Variants in CACNA2D1 observed in about 807,000 individuals in gnomAD.
The protein encoded by CACNA2D1 is calcium voltage-gated channel auxiliary subunit alpha2delta 1.
CACNA2D1 carries 53 observed loss-of-function variants against 171.5 expected under a neutral mutation model. The ratio of observed to expected loss-of-function variants is 0.31; its 90% CI spans 0.25 to 0.39. The LOEUF (loss-of-function observed/expected upper bound fraction) is 0.39. CACNA2D1 is among the 10% of genes least tolerant of loss of function. The pLI, the probability that CACNA2D1 is intolerant of heterozygous loss-of-function variation, is 1.00. For synonymous variants in CACNA2D1, 442 were observed against 443.1 expected (o/e 1.00, Z 0.03); for missense variants, 903 against 1,299.8 (o/e 0.69, Z 4.69).
chr7:82,047,782 A>T (rs1163463724), intron 10 of CACNA2D1, among the ~76,000 whole-genome samples: 1 of 152,188 alleles, frequency 6.6e-6, no homozygotes, highest in Non-Finnish European at 1.5e-5. Flanking sequence ...AATAACAAAC[A>T]TATGTAAAAT....
intron 38 of CACNA2D1, among the ~76,000 whole-genome samples, chr7:81,951,342 CCTT>C (rs760515460): frequency 1.3e-5 from 2 of 151,916 alleles, no homozygotes; most frequent in African/African-American, 2.4e-5. Flanking sequence ...TTAAAAACCT[CCTT>C]ATTATTTTTA....
rs71093376 is a variant in CACNA2D1 at position 82,366,903 on chromosome 7, C to CTTTTTTTTTTTTTTTTTT, written c.96-17272_96-17255dup. 6.1e-3 allele frequency among the ~76,000 whole-genome samples: 531 copies of CTTTTTTTTTTTTTTTTTT among 86,962 alleles called. 53 individuals are homozygous for CTTTTTTTTTTTTTTTTTT. Among genetic ancestry groups the CTTTTTTTTTTTTTTTTTT allele is most frequent in the Non-Finnish European group, 9.2e-3 (397 of 43,364 alleles). The allele number at this position is 86,962 out of a possible 152,430, so 57.1% of individuals were successfully genotyped here. ...CCTGCCAGCATCCACTGGTTTTGAC[C>CTTTTTTTTTTTTTTTTTT]TTTTTTTTTTTTTTTTTTTTTTTGA... On this transcript the variant is annotated intron_variant, in intron 1 of 38. Transcript: ENST00000356860.
In CACNA2D1 at chr7:82,305,888, G is replaced by C. The variant is rs145215353; in HGVS notation, c.294+29247C>G. Among the ~76,000 whole-genome samples, 938 of 152,244 alleles carry C rather than the reference G, an allele frequency of 6.2e-3. 10 individuals carry two copies. The highest frequency in any genetic ancestry group is 0.021 in the African/African-American group (869 of 41,540). The stretch of plus-strand genomic sequence containing the variant: ...CTGCAGTCGAGGGAACTCAGAATCT[G>C]TCAGGCTGACAGAAAGGTAAAAATT... On this transcript the variant is annotated intron_variant, in intron 3 of 38. Transcript: ENST00000356860.
chr7:81,982,758 T>C (rs766877255), intron 23 of CACNA2D1, 131 bp from the exon 24 acceptor site: 39 of 738,290 alleles, frequency 5.3e-5, no homozygotes, highest in Non-Finnish European at 7.7e-5. Context: ...CATCCTAAAA[T>C]TGAAACATAT....
At chr7:82,335,940 T>C (rs1159066597) in intron 2 of CACNA2D1, among the ~76,000 whole-genome samples, 1 of 152,200 alleles carries the variant, frequency 6.6e-6, no homozygotes, top group Non-Finnish European at 1.5e-5. Context: ...ATGGAAGGAT[T>C]TCCCCAGAGT....
intron 18 of CACNA2D1, among the ~76,000 whole-genome samples, chr7:82,003,721 C>A (rs1244448149): frequency 6.6e-6 from 1 of 150,446 alleles, no homozygotes; most frequent in African/African-American, 2.4e-5. Flanking sequence ...AAGTAGAGAT[C>A]CTTCACACCC....
chr7:82,177,508 T>C (rs1326980298), intron 3 of CACNA2D1, among the ~76,000 whole-genome samples: 1 of 152,058 alleles, frequency 6.6e-6, no homozygotes, highest in Non-Finnish European at 1.5e-5. Flanking sequence ...CAATCAATGG[T>C]GTATGAGAAA....
chr7:82,060,319 T>C, intron 10 of CACNA2D1, 109 bp downstream of exon 10: 1 of 691,620 alleles, frequency 1.4e-6, no homozygotes, highest in Non-Finnish European at 2.5e-6. Flanking sequence ...TCTTGCAATA[T>C]ATCAAAAATG....
At chr7:82,283,553 G>A (rs1810383847) in intron 3 of CACNA2D1, among the ~76,000 whole-genome samples, 1 of 152,128 alleles carries the variant, frequency 6.6e-6, no homozygotes, top group East Asian at 1.9e-4. Flanking sequence ...TAAGTGAACG[G>A]TATCTGTGAA....
intron 5 of CACNA2D1, among the ~76,000 whole-genome samples, chr7:82,125,122 T>C (rs1344701211): frequency 6.6e-6 from 1 of 152,064 alleles, no homozygotes; most frequent in Non-Finnish European, 1.5e-5. Context: ...AAGAGGAAAA[T>C]AAATAGCAAC....
intron 1 of CACNA2D1, among the ~76,000 whole-genome samples, chr7:82,419,506 T>C (rs1781361594): frequency 6.6e-6 from 1 of 152,162 alleles, no homozygotes; most frequent in South Asian, 2.1e-4. Flanking sequence ...TGCAAAATTT[T>C]CCTTCAGGAA....
At chr7:82,374,803 A>G (rs1246948140) in intron 1 of CACNA2D1, among the ~76,000 whole-genome samples, 1 of 151,964 alleles carries the variant, frequency 6.6e-6, no homozygotes, top group Admixed American at 6.6e-5. Flanking sequence ...AAAAAGAAAA[A>G]AGACTACAAA....
chr7:81,991,928 G>A (rs1797580659), intron 20 of CACNA2D1, among the ~76,000 whole-genome samples: 1 of 150,836 alleles, frequency 6.6e-6, no homozygotes, highest in Non-Finnish European at 1.5e-5. Context: ...TCCGCCTCCC[G>A]GGTTCATGCT....
At chr7:82,233,989 A>G (rs983755171) in intron 3 of CACNA2D1, among the ~76,000 whole-genome samples, 3 of 152,092 alleles carry the variant, frequency 2.0e-5, no homozygotes, top group Admixed American at 6.6e-5. Context: ...CCTTATCACA[A>G]CTGTGAAAAG....
intron 36 of CACNA2D1, among the ~76,000 whole-genome samples, chr7:81,961,180 G>A (rs1197030107): frequency 1.3e-5 from 2 of 151,840 alleles, no homozygotes. Flanking sequence ...TGCTTTGTAA[G>A]CTGTGACTTG....
intron 12 of CACNA2D1, among the ~76,000 whole-genome samples, chr7:82,015,052 CA>C (rs1383628973): frequency 2.0e-5 from 3 of 150,748 alleles, no homozygotes; most frequent in African/African-American, 7.3e-5. Context: ...AACTCCATTT[CA>C]AAAAAAGAAA....
rs555818690 is a variant in CACNA2D1, at chr7:82,256,552, C to T, written c.294+78583G>A. 1.9e-4 allele frequency among the ~76,000 whole-genome samples: 29 copies of T among 152,068 alleles called. 1 individual carries two copies. Among genetic ancestry groups the T allele is most frequent in the Admixed American group, 1.5e-3 (23 of 15,254 alleles). Reference sequence around the variant, plus strand: ...CATGCCTACATGGTGTAGGAAAATACAGGCACACACTGATATTTTACATGT... The same window carrying T: ...CATGCCTACATGGTGTAGGAAAATATAGGCACACACTGATATTTTACATGT... On this transcript the variant is annotated intron_variant, in intron 3 of 38. Coordinates refer to ENST00000356860, the MANE Select transcript of CACNA2D1 (RefSeq NM_000722.4).
intron 1 of CACNA2D1, among the ~76,000 whole-genome samples, chr7:82,380,275 TACA>T (rs1823540214): frequency 6.6e-6 from 1 of 152,198 alleles, no homozygotes; most frequent in African/African-American, 2.4e-5. Context: ...CCAAAACATG[TACA>T]ACAACTCAAG....
intron 3 of CACNA2D1, among the ~76,000 whole-genome samples, chr7:82,261,100 G>A (rs986436748): frequency 6.6e-6 from 1 of 151,980 alleles, no homozygotes; most frequent in African/African-American, 2.4e-5. Context: ...GATTACAGGT[G>A]CCCACCAGCA....
Sources: gnomAD v4.1 joint callset for allele counts (sites outside exome capture counted in the v4.1 genomes callset) on GRCh38, gnomAD v4.1.1 for gene constraint, MANE v1.5 for transcripts, NCBI Gene and HGNC (gene_info 2026-07-23, HGNC 2026-07-21) for gene names.